ASIC2: variants seen among roughly 807,000 people sequenced by gnomAD.
ASIC2 encodes the protein acid-sensing ion channel 2.
ASIC2 carries 25 observed loss-of-function variants against 57.3 expected under a neutral mutation model. The ratio of observed to expected loss-of-function variants is 0.44; its 90% CI spans 0.32 to 0.61. The LOEUF (loss-of-function observed/expected upper bound fraction) is 0.61, where lower values mean the gene tolerates loss of function less well. Ranked by LOEUF, ASIC2 falls within the 20% of genes least tolerant of loss-of-function variation. The pLI is 0.06. For missense variants in ASIC2, 641 were observed against 738.1 expected, an observed-to-expected ratio of 0.87 and a Z score of 1.52; for synonymous variants, 319 against 307.5, an observed-to-expected ratio of 1.04 and a Z score of -0.39.
chr17:33,102,976 G>C (rs185424908), intron 2 of ASIC2, among the ~76,000 whole-genome samples: 4 of 152,156 alleles, frequency 2.6e-5, no homozygotes, highest in East Asian at 1.9e-4. Flanking sequence ...GTAGAGACAG[G>C]GTTTCACCAT....
chr17:33,237,716 G>A (rs1908349839), intron 1 of ASIC2, among the ~76,000 whole-genome samples: 1 of 152,148 alleles, frequency 6.6e-6, no homozygotes, highest in Non-Finnish European at 1.5e-5. Context: ...TATCTATGTG[G>A]CAGGGTTGAG....
At chr17:33,306,513 T>C (rs1906180626) in intron 1 of ASIC2, among the ~76,000 whole-genome samples, 1 of 152,196 alleles carries the variant, frequency 6.6e-6, no homozygotes, top group South Asian at 2.1e-4. Flanking sequence ...CTCTTTTTTA[T>C]CTAGAAAGCT....
intron 1 of ASIC2, among the ~76,000 whole-genome samples, chr17:34,083,138 C>A (rs1043228806): frequency 8.6e-5 from 13 of 151,116 alleles, no homozygotes; most frequent in Non-Finnish European, 1.9e-4. Flanking sequence ...CGTCATCTAG[C>A]ATTAGGTATA....
chr17:34,000,094 C>T (rs111291927), intron 1 of ASIC2, among the ~76,000 whole-genome samples: 1 of 151,366 alleles, frequency 6.6e-6, no homozygotes, highest in African/African-American at 2.4e-5. Context: ...TATCATCCCA[C>T]TCTCTTCTGG....
intron 1 of ASIC2, among the ~76,000 whole-genome samples, chr17:33,503,754 C>G (rs1311691560): frequency 6.6e-6 from 1 of 152,192 alleles, no homozygotes; most frequent in African/African-American, 2.4e-5. Context: ...CACCAAAGAA[C>G]TCCAGGACCT....
intron 1 of ASIC2, among the ~76,000 whole-genome samples, chr17:33,318,714 G>A (rs1906752658): frequency 1.3e-5 from 2 of 152,190 alleles, no homozygotes; most frequent in Admixed American, 1.3e-4. Flanking sequence ...GTGCCCTGTG[G>A]AGGGTCGTGT....
intron 1 of ASIC2, among the ~76,000 whole-genome samples, chr17:33,968,700 G>A (rs1905141293): frequency 6.6e-6 from 1 of 152,202 alleles, no homozygotes; most frequent in African/African-American, 2.4e-5. Context: ...ATCTGCCAGT[G>A]TGCGGCCCCA....
chr17:33,799,403 T>TC (rs1555562484), intron 1 of ASIC2, among the ~76,000 whole-genome samples: 1 of 51,312 alleles, frequency 1.9e-5, no homozygotes, highest in African/African-American at 6.5e-5. Context: ...TCTTTCTTTC[T>TC]TTTCTTTCTT....
intron 2 of ASIC2, among the ~76,000 whole-genome samples, chr17:33,091,471 C>A (rs904195670): frequency 6.6e-6 from 1 of 152,126 alleles, no homozygotes; most frequent in East Asian, 1.9e-4. Context: ...GCTATACAAC[C>A]AAGCTTAAGA....
At chr17:33,412,661 G>A (rs1190856436) in intron 1 of ASIC2, among the ~76,000 whole-genome samples, 1 of 152,144 alleles carries the variant, frequency 6.6e-6, no homozygotes, top group Non-Finnish European at 1.5e-5. Flanking sequence ...CTGGATATAT[G>A]CCTATCTTGG....
intron 1 of ASIC2, among the ~76,000 whole-genome samples, chr17:33,458,581 C>T (rs1219133346): frequency 6.6e-6 from 1 of 152,126 alleles, no homozygotes; most frequent in East Asian, 1.9e-4. Context: ...TCAGTTTCCT[C>T]CTCTGCATAA....
intron 3 of ASIC2, among the ~76,000 whole-genome samples, chr17:33,081,270 CAA>C (rs2092112099): frequency 6.6e-6 from 1 of 152,176 alleles, no homozygotes; most frequent in East Asian, 1.9e-4. Flanking sequence ...TGACTCTTGG[CAA>C]AATCGTCTGG....
At chr17:33,971,663 T>A (rs1239448473) in intron 1 of ASIC2, among the ~76,000 whole-genome samples, 1 of 152,108 alleles carries the variant, frequency 6.6e-6, no homozygotes, top group Non-Finnish European at 1.5e-5. Flanking sequence ...AATTAGAACA[T>A]TTTCTACCTA....
At chr17:33,605,549 C>A (rs1029653692) in intron 1 of ASIC2, among the ~76,000 whole-genome samples, 4 of 152,170 alleles carry the variant, frequency 2.6e-5, no homozygotes, top group Non-Finnish European at 2.9e-5. Flanking sequence ...AAAGAAAGTC[C>A]TGTGTAATTA....
At chr17:33,138,806 A>G (rs960084386) in intron 1 of ASIC2, among the ~76,000 whole-genome samples, 7 of 152,246 alleles carry the variant, frequency 4.6e-5, no homozygotes, top group Admixed American at 3.9e-4. Context: ...GATTATGTTA[A>G]TATACTATCT....
chr17:33,685,738 C>T (rs1018551024), intron 1 of ASIC2, among the ~76,000 whole-genome samples: 1 of 152,132 alleles, frequency 6.6e-6, no homozygotes, highest in African/African-American at 2.4e-5. Context: ...CTTAGCTGAT[C>T]CTCTCAAACC....
intron 1 of ASIC2, among the ~76,000 whole-genome samples, chr17:33,648,190 G>T (rs762269716): frequency 2.0e-5 from 3 of 152,216 alleles, no homozygotes; most frequent in Non-Finnish European, 4.4e-5. Flanking sequence ...GCAGCCACAT[G>T]TAATTCTGAG....
intron 1 of ASIC2, among the ~76,000 whole-genome samples, chr17:33,195,436 T>C (rs539945670): frequency 6.6e-6 from 1 of 152,324 alleles, no homozygotes; most frequent in African/African-American, 2.4e-5. Context: ...TGGAAAAGCA[T>C]TTTGACAAAA....
At chr17:33,124,706 G>A (rs1205903525) in intron 1 of ASIC2, among the ~76,000 whole-genome samples, 2 of 152,212 alleles carry the variant, frequency 1.3e-5, no homozygotes, top group East Asian at 3.8e-4. Flanking sequence ...CTGGGGAGAA[G>A]GGGGCGATGG....
Sources: gnomAD v4.1 joint callset for allele counts (sites outside exome capture counted in the v4.1 genomes callset) on GRCh38, gnomAD v4.1.1 for gene constraint, MANE v1.5 for transcripts, NCBI Gene and HGNC (gene_info 2026-07-23, HGNC 2026-07-21) for gene names.